The following NIN variants were observed in gnomAD, a reference collection of about 807,000 sequenced individuals.
The protein encoded by NIN is glycogen synthase kinase 3 beta-interacting protein.
In NIN, 137 loss-of-function variants were observed where a neutral mutation model predicts 257.6. The ratio of observed to expected loss-of-function variants is 0.53; its 90% confidence interval spans 0.46 to 0.61. The LOEUF (loss-of-function observed/expected upper bound fraction) is 0.61. Ranked by LOEUF, NIN falls within the 20% of genes least tolerant of loss-of-function variation. The pLI is 0.00. For synonymous variants in NIN, 918 were observed against 919.8 expected (o/e 1.00, Z 0.04); for missense variants, 2,439 against 2,501.2 (o/e 0.98, Z 0.53).
intron 25 of NIN, 131 bp from the exon 26 acceptor site, chr14:50,739,618 A>G (rs2041175160): frequency 1.4e-6 from 1 of 715,600 alleles, no homozygotes; most frequent in African/African-American, 1.8e-5. Flanking sequence ...TCAGTCTTCT[A>G]ATGAAAGTAT....
At chr14:50,828,785 T>C (rs891099061) in intron 2 of NIN, among the ~76,000 whole-genome samples, 2 of 152,238 alleles carry the variant, frequency 1.3e-5, no homozygotes, top group South Asian at 2.1e-4. Context: ...GAATACTGCC[T>C]ATTACATTAA....
At chr14:50,787,110 A>G (rs1006717331) in intron 5 of NIN, among the ~76,000 whole-genome samples, 2 of 152,170 alleles carry the variant, frequency 1.3e-5, no homozygotes, top group Non-Finnish European at 2.9e-5. Context: ...GTGCAAGCCA[A>G]TGGTTTTGGC....
At chr14:50,729,778 C>T in intron 28 of NIN, 55 bp from the exon 29 acceptor site, 6 of 1,364,994 alleles carry the variant, frequency 4.4e-6, no homozygotes, top group African/African-American at 2.9e-5. Flanking sequence ...CCCAGAGCTG[C>T]CCTTTATGGT....
Position 50,792,841 on chromosome 14 carries a change from C to T in NIN, c.306G>A (p.Gly102=), listed in dbSNP as rs2043660544. Reference sequence around the variant, plus strand: ...GCAAGGACCTTCGTCCGTAACGCTTCCCACCTCTAACATATTTGGGCTGAG... The same window carrying T: ...GCAAGGACCTTCGTCCGTAACGCTTTCCACCTCTAACATATTTGGGCTGAG... ...LEAQPKYVRG[G]KRYGRRSLPE... is the part of the protein sequence containing the mutation. The change falls in exon 5 of 31, where the codon GGG becomes GGA. Residue 102 remains glycine (G), a synonymous_variant. Coordinates refer to ENST00000530997, the MANE Select transcript of NIN (RefSeq NM_020921.4). 6.2e-7 allele frequency: 1 copy of T among 1,614,226 alleles called. No individual in the cohort carries two copies. The highest frequency in any genetic ancestry group is 8.5e-7 in the Non-Finnish European group (1 of 1,180,036).
At chr14:50,751,971 A>G (rs1440727767) in intron 21 of NIN, among the ~76,000 whole-genome samples, 2 of 151,940 alleles carry the variant, frequency 1.3e-5, no homozygotes. Flanking sequence ...TGTTGTGAAT[A>G]TTTTCTCCTA....
intron 20 of NIN, 62 bp from the exon 21 acceptor site, chr14:50,752,795 A>C: frequency 3.2e-6 from 3 of 946,898 alleles, no homozygotes; most frequent in Admixed American, 2.7e-5. Flanking sequence ...AAAAAAAAAA[A>C]AACAGATTTA....
rs2040244770 is a variant in NIN, at chr14:50,720,216, T to C, written c.*3247A>G. ...CTTTGACTTGGTTTTTGGCATTACT[T>C]GTATAATTATATCATTCCAATGAGT... On this transcript the variant is annotated 3_prime_UTR_variant, in exon 31 of 31. Transcript: ENST00000530997. 4.5e-6 allele frequency: 1 copy of C among 222,558 alleles called. No homozygotes were observed. The highest frequency in any genetic ancestry group is 6.6e-5 in the East Asian group (1 of 15,192). The allele number at this position is 222,558 out of a possible 1,614,324, so 13.8% of individuals were successfully genotyped here. A position where few individuals can be genotyped will look rare whatever the true frequency, so the allele number is the denominator to read the frequency against.
chr14:50,771,961 A>C, intron 9 of NIN: 1 of 223,754 alleles, frequency 4.5e-6, no homozygotes, highest in Non-Finnish European at 9.0e-6. Context: ...ACTCCAGTCC[A>C]GGTGATAAAA....
At chr14:50,783,907 C>T (rs1248695988) in intron 5 of NIN, among the ~76,000 whole-genome samples, 3 of 151,924 alleles carry the variant, frequency 2.0e-5, no homozygotes, top group Non-Finnish European at 4.4e-5. Context: ...CACAGATCTG[C>T]CATGAGCACT....
chr14:50,809,074 A>G (rs1328765752), intron 3 of NIN, among the ~76,000 whole-genome samples: 1 of 152,162 alleles, frequency 6.6e-6, no homozygotes, highest in Non-Finnish European at 1.5e-5. Flanking sequence ...TACAAAAATT[A>G]GCTGGGCATG....
intron 27 of NIN, 109 bp from the exon 28 acceptor site, chr14:50,735,726 A>C (rs751480289): frequency 3.7e-6 from 5 of 1,356,380 alleles, no homozygotes; most frequent in Non-Finnish European, 4.9e-6. Context: ...CTCTTGGAAG[A>C]AAGCCAAGTT....
chr14:50,818,119 C>T lies in NIN; in HGVS notation c.183+3755G>A, dbSNP rs548994959. ...TGGGCGGATCACGAGGTCAGGAGAT[C>T]GAGACCATCCTGGCTAACATGGTGA... On this transcript the variant is annotated intron_variant, in intron 3 of 30. Coordinates refer to ENST00000530997, the MANE Select transcript of NIN (RefSeq NM_020921.4). Among the ~76,000 whole-genome samples, 613 of 151,724 alleles carry T rather than the reference C, an allele frequency of 4.0e-3. 4 individuals are homozygous for T. The highest frequency in any genetic ancestry group is 5.5e-3 in the Non-Finnish European group (373 of 67,868).
intron 3 of NIN, among the ~76,000 whole-genome samples, chr14:50,817,960 C>A (rs546491541): frequency 1.6e-4 from 24 of 151,998 alleles, no homozygotes; most frequent in Middle Eastern, 3.4e-3. Context: ...CGGCAATCCA[C>A]CTGCCTCGGC....
intron 21 of NIN, among the ~76,000 whole-genome samples, chr14:50,749,544 T>G (rs2041697702): frequency 6.6e-6 from 1 of 152,252 alleles, no homozygotes. Context: ...CATCTATCAG[T>G]GCATTTTGTC....
chr14:50,815,701 T>C (rs2044860042), intron 3 of NIN, among the ~76,000 whole-genome samples: 1 of 152,186 alleles, frequency 6.6e-6, no homozygotes, highest in Non-Finnish European at 1.5e-5. Flanking sequence ...CATGGAATAC[T>C]ATGCAGCCAC....
Position 50,797,584 on chromosome 14 carries a change from C to T in NIN, c.266-4703G>A, listed in dbSNP as rs2043897780. 3.3e-5 allele frequency among the ~76,000 whole-genome samples: 5 copies of T among 152,208 alleles called. No individual in the cohort carries two copies. The South Asian group carries it at 1.0e-3, about 32-fold the overall frequency. ...AAGGCAGTCATGCAGCAAATGAGCCCCACCCTGCCCCATTCTACATCCCAC... is the reference window on the plus strand; with the variant it reads ...AAGGCAGTCATGCAGCAAATGAGCCTCACCCTGCCCCATTCTACATCCCAC... On this transcript the variant is annotated intron_variant, in intron 4 of 30. Coordinates refer to ENST00000530997, the MANE Select transcript of NIN (RefSeq NM_020921.4).
chr14:50,795,185 G>A (rs2043784220), intron 4 of NIN, among the ~76,000 whole-genome samples: 1 of 152,142 alleles, frequency 6.6e-6, no homozygotes, highest in Non-Finnish European at 1.5e-5. Flanking sequence ...AAAGAAAAAT[G>A]GGTTAAAGTT....
chr14:50,789,871 C>T lies in NIN; in HGVS notation c.435+2841G>A, dbSNP rs567314047. ...GCCTAATATGGAAACTGACCAGAAA[C>T]AGGAATGCTGTCTTGCCATAACAGT... On this transcript the variant is annotated intron_variant, in intron 5 of 30. Coordinates refer to ENST00000530997, the MANE Select transcript of NIN (RefSeq NM_020921.4). Among the ~76,000 whole-genome samples, 7 of 152,282 alleles carry T rather than the reference C, an allele frequency of 4.6e-5. No individual in the cohort carries two copies. The East Asian group carries it at 1.4e-3, about 29-fold the overall frequency.
intron 4 of NIN, among the ~76,000 whole-genome samples, chr14:50,801,339 T>G (rs1186480888): frequency 2.0e-5 from 3 of 152,158 alleles, no homozygotes; most frequent in East Asian, 3.9e-4. Flanking sequence ...GATCCACCTG[T>G]CTCACCCTCT....
Sources: allele counts gnomAD v4.1 joint callset (sites outside exome capture counted in the v4.1 genomes callset), GRCh38; gene constraint gnomAD v4.1.1; transcripts MANE v1.5; gene names NCBI Gene and HGNC (gene_info 2026-07-23, HGNC 2026-07-21).